Variants in UACA observed in about 807,000 individuals in gnomAD.
The protein encoded by UACA is nuclear membrane binding protein.
In UACA, 112 loss-of-function variants were observed where a neutral mutation model predicts 160.5. That is an observed-to-expected ratio of 0.70 (90% confidence interval 0.60 to 0.82). UACA has a LOEUF of 0.82. Ranked by LOEUF, UACA falls within the 40% of genes least tolerant of loss-of-function variation. UACA has a pLI of 0.00. For synonymous variants in UACA, 557 were observed against 568.4 expected, an observed-to-expected ratio of 0.98 and a Z score of 0.29; for missense variants, 1,574 against 1,614.6, an observed-to-expected ratio of 0.97 and a Z score of 0.43.
chr15:70,723,657 G>T (rs1899059330), intron 1 of UACA, among the ~76,000 whole-genome samples: 1 of 149,196 alleles, frequency 6.7e-6, no homozygotes, highest in Non-Finnish European at 1.5e-5. Flanking sequence ...TTTTGAGACG[G>T]AGTCTCGCTC....
rs1896457411 is a variant in UACA at position 70,655,588 on chromosome 15, A to C, written c.*1468T>G. ...AGGTGGCCCAAAACTTGTGAAACAGAACTCATGCTGAAGGACGACATTAAT... is the reference window on the plus strand; with the variant it reads ...AGGTGGCCCAAAACTTGTGAAACAGCACTCATGCTGAAGGACGACATTAAT... On this transcript the variant is annotated 3_prime_UTR_variant, in exon 19 of 19. Coordinates refer to ENST00000322954, the MANE Select transcript of UACA (RefSeq NM_018003.4). 6.6e-6 allele frequency: 1 copy of C among 152,194 alleles called. No homozygotes were observed. The allele number at this position is 152,194 out of a possible 1,614,324, so 9.4% of individuals were successfully genotyped here. A position where few individuals can be genotyped will look rare whatever the true frequency, so the allele number is the denominator to read the frequency against.
intron 1 of UACA, among the ~76,000 whole-genome samples, chr15:70,710,190 G>C (rs934325672): frequency 3.9e-5 from 6 of 152,060 alleles, no homozygotes; most frequent in African/African-American, 1.4e-4. Context: ...GGGAAGTCGG[G>C]GCTGCAGTGA....
chr15:70,702,552 T>C (rs533657115), intron 1 of UACA, among the ~76,000 whole-genome samples: 1 of 152,296 alleles, frequency 6.6e-6, no homozygotes, highest in East Asian at 1.9e-4. Context: ...ATGACAACAT[T>C]TTAAGAGACA....
intron 1 of UACA, among the ~76,000 whole-genome samples, chr15:70,759,100 C>T (rs917852159): frequency 6.6e-6 from 1 of 152,130 alleles, no homozygotes; most frequent in African/African-American, 2.4e-5. Flanking sequence ...GTCTCGAACT[C>T]CTGGGCTCAA....
chr15:70,664,551 C>T lies in UACA; in HGVS notation c.4113+111G>A, dbSNP rs367558132. ...TTTCGCATATAAAAATAATTATATTCTTGGATCCGAACATAGCTACAGAGC... is the reference window on the plus strand; with the variant it reads ...TTTCGCATATAAAAATAATTATATTTTTGGATCCGAACATAGCTACAGAGC... On this transcript the variant is annotated intron_variant, in intron 17 of 18. Transcript: ENST00000322954. 3.1e-6 allele frequency: 4 copies of T among 1,298,068 alleles called. No homozygotes were observed. In the East Asian group the frequency reaches 7.7e-5, roughly 25 times the overall value. 80.4% of individuals were successfully genotyped at this position (1,298,068 alleles called of 1,614,324 possible). A position where few individuals can be genotyped will look rare whatever the true frequency, so the allele number is the denominator to read the frequency against.
intron 1 of UACA, among the ~76,000 whole-genome samples, chr15:70,717,144 C>T (rs1353783898): frequency 6.6e-6 from 1 of 152,064 alleles, no homozygotes; most frequent in Non-Finnish European, 1.5e-5. Flanking sequence ...TTGCTTGAAC[C>T]CAGGAGGCGG....
At chr15:70,737,592 C>T (rs948820151) in intron 1 of UACA, among the ~76,000 whole-genome samples, 2 of 152,060 alleles carry the variant, frequency 1.3e-5, no homozygotes, top group Non-Finnish European at 2.9e-5. Context: ...CCTGTAGCCC[C>T]AGCTACTCGG....
rs554260649 is a variant in UACA, at chr15:70,669,806, C to A, written c.1222-344G>T. On this transcript the variant is annotated intron_variant, in intron 15 of 18. Transcript: ENST00000322954. ...ATGAATATCATCAACTTTATCAAAA[C>A]ATATTTATTATTTCTATGTTTTATG... is the stretch of plus-strand genomic sequence containing the variant. Among the ~76,000 whole-genome samples the A allele has an allele frequency of 1.3e-5, 2 of 152,130 alleles. 1 individual carries two copies. Among genetic ancestry groups the A allele is most frequent in the Non-Finnish European group, 2.9e-5 (2 of 68,016 alleles).
intron 1 of UACA, among the ~76,000 whole-genome samples, chr15:70,721,122 G>A (rs1219168147): frequency 6.6e-6 from 1 of 152,180 alleles, no homozygotes; most frequent in Non-Finnish European, 1.5e-5. Context: ...AAGGTTAAAG[G>A]GGGAGGAATG....
intron 1 of UACA, among the ~76,000 whole-genome samples, chr15:70,759,973 CAT>C (rs765199344): frequency 2.0e-5 from 3 of 152,156 alleles, no homozygotes; most frequent in Admixed American, 6.5e-5. Context: ...TAAAATACTG[CAT>C]ATGTCACATA....
Position 70,763,321 on chromosome 15 carries a change from G to T in UACA, c.78+9C>A. On this transcript the variant is annotated intron_variant, in intron 1 of 18. Coordinates refer to ENST00000322954, the MANE Select transcript of UACA (RefSeq NM_018003.4). ...CGGAGCGCCTCGCAGCCCGGACCGC[G>T]GGACTCACCGCGCTGGCGGCGGCGG... 7.5e-7 allele frequency: 1 copy of T among 1,333,672 alleles called. No homozygotes were observed. Among genetic ancestry groups the T allele is most frequent in the Non-Finnish European group, 9.6e-7 (1 of 1,036,746 alleles). The allele number at this position is 1,333,672 out of a possible 1,614,324, so 82.6% of individuals were successfully genotyped here.
At chr15:70,707,881 T>C (rs1167957093) in intron 1 of UACA, among the ~76,000 whole-genome samples, 3 of 152,332 alleles carry the variant, frequency 2.0e-5, no homozygotes, top group Admixed American at 2.0e-4. Flanking sequence ...CGAAAAATTA[T>C]AAATAGAACT....
chr15:70,737,103 T>C (rs1028445256), intron 1 of UACA, among the ~76,000 whole-genome samples: 5 of 152,218 alleles, frequency 3.3e-5, no homozygotes, highest in African/African-American at 4.8e-5. Flanking sequence ...CCAAAACAGT[T>C]ATAATGCTTT....
At chr15:70,684,172 G>C (rs951550810) in intron 8 of UACA, 93 bp downstream of exon 8, 18 of 1,099,374 alleles carry the variant, frequency 1.6e-5, no homozygotes, top group African/African-American at 1.1e-4. Context: ...GGAATGTTTT[G>C]CTTCTTATAA....
intron 1 of UACA, among the ~76,000 whole-genome samples, chr15:70,738,140 C>T (rs970344691): frequency 4.6e-5 from 7 of 152,126 alleles, no homozygotes; most frequent in African/African-American, 1.7e-4. Context: ...GGCAAAAGAA[C>T]ATTTTTTAAA....
At chr15:70,744,802 A>C (rs1473134951) in intron 1 of UACA, among the ~76,000 whole-genome samples, 1 of 149,578 alleles carries the variant, frequency 6.7e-6, no homozygotes, top group African/African-American at 2.5e-5. Context: ...AATTCCCAAG[A>C]CTTGTTCTCA....
At chr15:70,674,588 A>G (rs146126718) in intron 13 of UACA, among the ~76,000 whole-genome samples, 33 of 152,204 alleles carry the variant, frequency 2.2e-4, no homozygotes, top group African/African-American at 5.8e-4. Flanking sequence ...GTCTAAAGCT[A>G]CAGAAAAACA....
Position 70,712,051 on chromosome 15 carries a change from C to CATATATATATAT in UACA, c.79-12403_79-12392dup, listed in dbSNP as rs57543862. On this transcript the variant is annotated intron_variant, in intron 1 of 18. Coordinates refer to ENST00000322954, the MANE Select transcript of UACA (RefSeq NM_018003.4). ...AACCCAGGCTCCTCTAAGCTCCAGG[C>CATATATATATAT]ATATATATATATATATCTCCATATA... 3.6e-3 allele frequency among the ~76,000 whole-genome samples: 470 copies of CATATATATATAT among 131,964 alleles called. 29 individuals are homozygous for CATATATATATAT. The highest frequency in any genetic ancestry group is 0.013 in the African/African-American group (420 of 32,596). The allele number at this position is 131,964 out of a possible 152,430, so 86.6% of individuals were successfully genotyped here. A position where few individuals can be genotyped will look rare whatever the true frequency, so the allele number is the denominator to read the frequency against.
the UACA span, among the ~76,000 whole-genome samples, chr15:70,776,042 A>T: frequency 6.6e-6 from 1 of 152,340 alleles, no homozygotes; most frequent in South Asian, 2.1e-4. Flanking sequence ...CTAGGGTAGA[A>T]TCAAGTTTTC....
Sources: gnomAD v4.1 joint callset for allele counts (sites outside exome capture counted in the v4.1 genomes callset) on GRCh38, gnomAD v4.1.1 for gene constraint, MANE v1.5 for transcripts, NCBI Gene and HGNC (gene_info 2026-07-23, HGNC 2026-07-21) for gene names.